IBTK: variants seen among roughly 807,000 people sequenced by gnomAD.
The protein encoded by IBTK is inhibitor of Bruton tyrosine kinase.
In IBTK, 83 loss-of-function variants were observed where a neutral mutation model predicts 154.9. That is an observed-to-expected ratio of 0.54 (90% CI 0.45 to 0.64). IBTK has a LOEUF of 0.64. Among genes scored for constraint, IBTK ranks in the 30% least tolerant of loss-of-function variants. The pLI, the probability that IBTK is intolerant of heterozygous loss-of-function variation, is 0.00. For synonymous variants in IBTK, 515 were observed against 536.1 expected, an observed-to-expected ratio of 0.96 and a Z score of 0.54; for missense variants, 1,332 against 1,584.6, an observed-to-expected ratio of 0.84 and a Z score of 2.71.
chr6:82,229,831 TCTC>T lies in IBTK; in HGVS notation c.543+1884_543+1886del, dbSNP rs201397683. On this transcript the variant is annotated intron_variant, in intron 4 of 28. Coordinates refer to ENST00000306270, the MANE Select transcript of IBTK (RefSeq NM_015525.4). The stretch of plus-strand genomic sequence containing the variant: ...TCATGACACCATTCTACTCCCTACT[TCTC>T]TAGCCACTTTTCATTCCTATATGGG... Among the ~76,000 whole-genome samples, 826 of 152,306 alleles carry T rather than the reference TCTC, an allele frequency of 5.4e-3. 9 individuals are homozygous for T. The highest frequency in any genetic ancestry group is 0.019 in the African/African-American group (791 of 41,560).
chr6:82,174,669 G>T (rs1768045166), intron 26 of IBTK, among the ~76,000 whole-genome samples: 1 of 151,982 alleles, frequency 6.6e-6, no homozygotes. Flanking sequence ...CTAATGTGTG[G>T]GCAAACAAAT....
At chr6:82,218,168 A>G (rs1361411563) in intron 9 of IBTK, 31 bp from the exon 10 acceptor site, 3 of 1,467,680 alleles carry the variant, frequency 2.0e-6, no homozygotes, top group Non-Finnish European at 2.7e-6. Flanking sequence ...ATTGAAATAT[A>G]AAGCAAGTAG....
chr6:82,218,226 G>T, intron 9 of IBTK, 89 bp from the exon 10 acceptor site: 1 of 908,600 alleles, frequency 1.1e-6, no homozygotes, highest in Non-Finnish European at 1.5e-6. Flanking sequence ...AGACAATGCT[G>T]TTAAAATAAA....
At chr6:82,213,827 A>C (rs574442467) in intron 12 of IBTK, among the ~76,000 whole-genome samples, 55 of 152,164 alleles carry the variant, frequency 3.6e-4, no homozygotes, top group East Asian at 2.7e-3. Context: ...GTACCTCCCC[A>C]AAAAAAGGAT....
intron 21 of IBTK, among the ~76,000 whole-genome samples, chr6:82,198,442 T>G (rs1351825853): frequency 2.6e-5 from 4 of 152,180 alleles, no homozygotes; most frequent in Non-Finnish European, 4.4e-5. Context: ...TAAATAAATT[T>G]TAGGCATATT....
chr6:82,186,244 C>A (rs1238739578), intron 25 of IBTK, among the ~76,000 whole-genome samples: 1 of 152,146 alleles, frequency 6.6e-6, no homozygotes, highest in African/African-American at 2.4e-5. Context: ...CAACTAATAA[C>A]CCTACAGTGG....
In IBTK at chr6:82,234,275, A is replaced by C; in HGVS notation, c.322-20T>G. ...ACCATGCTAAAACAAACAAACAAAC[A>C]AATACATAAATATATATATATTATT... On this transcript the variant is annotated intron_variant, in intron 2 of 28. Transcript: ENST00000306270. The C allele has an allele frequency of 1.0e-6, 1 of 957,608 alleles. No homozygotes were observed. The highest frequency in any genetic ancestry group is 1.5e-6 in the Non-Finnish European group (1 of 653,276). The allele number at this position is 957,608 out of a possible 1,614,324, so 59.3% of individuals were successfully genotyped here.
intron 25 of IBTK, chr6:82,188,948 TG>T (rs1202359903): frequency 5.1e-6 from 2 of 390,444 alleles, no homozygotes; most frequent in East Asian, 1.7e-4. Flanking sequence ...AAGAATCGCT[TG>T]AACCTAGGAG....
At chr6:82,211,001 T>C (rs2127813040) in intron 15 of IBTK, 91 bp from the exon 16 acceptor site, 1 of 601,538 alleles carries the variant, frequency 1.7e-6, no homozygotes, top group Non-Finnish European at 2.7e-6. Flanking sequence ...CAAAACACTC[T>C]GAACAGGAAA....
intron 13 of IBTK, 53 bp from the exon 14 acceptor site, chr6:82,211,625 A>G: frequency 1.4e-6 from 2 of 1,410,100 alleles, no homozygotes; most frequent in Non-Finnish European, 2.0e-6. Flanking sequence ...ATATTTAGTG[A>G]AAAAGATTAT....
intron 26 of IBTK, among the ~76,000 whole-genome samples, chr6:82,178,002 T>C (rs1026150973): frequency 1.4e-4 from 21 of 152,190 alleles, no homozygotes; most frequent in Admixed American, 9.2e-4. Context: ...AGCCCATAAT[T>C]TGCAAATTAA....
At chr6:82,230,453 A>G (rs1414029584) in intron 4 of IBTK, among the ~76,000 whole-genome samples, 1 of 152,186 alleles carries the variant, frequency 6.6e-6, no homozygotes, top group Non-Finnish European at 1.5e-5. Flanking sequence ...ATTCTGGAGA[A>G]GAATATTATT....
intron 11 of IBTK, 43 bp from the exon 12 acceptor site, chr6:82,214,872 A>G: frequency 4.0e-6 from 6 of 1,509,788 alleles, no homozygotes; most frequent in Non-Finnish European, 4.4e-6. Context: ...AAAAATATGA[A>G]GGAAATCCTT....
chr6:82,232,730 T>C (rs777695926), intron 3 of IBTK, among the ~76,000 whole-genome samples: 6 of 152,128 alleles, frequency 3.9e-5, no homozygotes, highest in Non-Finnish European at 7.3e-5. Context: ...AAAAAAATAA[T>C]TGGAGCCGGG....
At chr6:82,235,220 G>A (rs1406995663) in intron 2 of IBTK, among the ~76,000 whole-genome samples, 4 of 152,072 alleles carry the variant, frequency 2.6e-5, no homozygotes, top group African/African-American at 4.8e-5. Flanking sequence ...TAAATACACT[G>A]TCCCTACAAG....
At chr6:82,182,318 A>C (rs1206688936) in intron 25 of IBTK, among the ~76,000 whole-genome samples, 1 of 152,144 alleles carries the variant, frequency 6.6e-6, no homozygotes, top group Non-Finnish European at 1.5e-5. Flanking sequence ...CTCATTAAAA[A>C]TAGGTAAGTT....
chr6:82,243,630 C>G (rs1771037996), intron 1 of IBTK, among the ~76,000 whole-genome samples: 1 of 152,174 alleles, frequency 6.6e-6, no homozygotes, highest in South Asian at 2.1e-4. Flanking sequence ...GTTCAGTACT[C>G]TCTGCAGTTT....
intron 21 of IBTK, among the ~76,000 whole-genome samples, chr6:82,197,438 T>C (rs1769039469): frequency 6.7e-6 from 1 of 149,122 alleles, no homozygotes; most frequent in African/African-American, 2.5e-5. Flanking sequence ...TGGCATGATC[T>C]CAGCTCACTG....
intron 25 of IBTK, among the ~76,000 whole-genome samples, chr6:82,189,459 G>A (rs1194675611): frequency 6.6e-6 from 1 of 152,104 alleles, no homozygotes; most frequent in African/African-American, 2.4e-5. Flanking sequence ...GAATATACGA[G>A]CTCCAAAAAT....
Sources: allele counts gnomAD v4.1 joint callset (sites outside exome capture counted in the v4.1 genomes callset), GRCh38; gene constraint gnomAD v4.1.1; transcripts MANE v1.5; gene names NCBI Gene and HGNC (gene_info 2026-07-23, HGNC 2026-07-21).